SDCBP: variants seen among roughly 807,000 people sequenced by gnomAD.
SDCBP encodes syndecan binding protein, also known as syntenin-1.
A neutral mutation model predicts 30.5 loss-of-function variants in SDCBP; 22 were observed. That is an observed-to-expected ratio of 0.72 (90% confidence interval 0.52 to 1.03). SDCBP has a LOEUF of 1.03. SDCBP is among the 50% of genes least tolerant of loss of function. The pLI, the probability that SDCBP is intolerant of heterozygous loss-of-function variation, is 0.00. For missense variants in SDCBP, 304 were observed against 369.9 expected (o/e 0.82, Z 1.46); for synonymous variants, 103 against 118.7 (o/e 0.87, Z 0.86).
intron 4 of SDCBP, among the ~76,000 whole-genome samples, chr8:58,572,724 G>C (rs951183389): frequency 2.0e-5 from 3 of 150,054 alleles, no homozygotes; most frequent in Non-Finnish European, 4.4e-5. Context: ...ACTTATTTCA[G>C]ACAGTACTAA....
chr8:58,561,451 T>G, intron 1 of SDCBP: 1 of 213,822 alleles, frequency 4.7e-6, no homozygotes, highest in Non-Finnish European at 9.3e-6. Context: ...TCAAAGAATT[T>G]TGAAAGCAGC....
At chr8:58,577,444 T>C (rs1805405269) in intron 5 of SDCBP, among the ~76,000 whole-genome samples, 1 of 152,236 alleles carries the variant, frequency 6.6e-6, no homozygotes, top group Non-Finnish European at 1.5e-5. Context: ...GTGTTCTTTA[T>C]AAGCCTGTGC....
Position 58,581,836 on chromosome 8 carries a change from G to A in SDCBP, c.*96G>A. 1 of 918,318 alleles carries A rather than the reference G, an allele frequency of 1.1e-6. No individual in the cohort carries two copies. The highest frequency in any genetic ancestry group is 1.8e-5 in the Admixed American group (1 of 56,944). The allele number at this position is 918,318 out of a possible 1,614,324, so 56.9% of individuals were successfully genotyped here. On this transcript the variant is annotated 3_prime_UTR_variant, in exon 9 of 9. Coordinates refer to ENST00000260130, the MANE Select transcript of SDCBP (RefSeq NM_005625.4). ...CGTGAAGCCTTCCCGGAGCCAGCGA[G>A]CATATGCTGCATGAGGACCTTTCTA...
At position 58,578,172 on chromosome 8, in the gene SDCBP, CT is replaced by C; in HGVS notation, c.546del (p.Phe182LeufsTer7). 1 of 1,594,734 alleles carries C rather than the reference CT, an allele frequency of 6.3e-7. No homozygotes were observed. On this transcript the variant is annotated frameshift_variant, in exon 6 of 9. Transcript: ENST00000260130. LOFTEE classifies it high-confidence loss of function. ...SDKAHKVLKQ[A>X]FGEKITMTIR... ...AAAGCGCACAAGGTGCTCAAACAGG[CT>C]TTTGGAGAGAAGATTACCATGACCA...
chr8:58,563,579 A>C (rs1804548663), intron 1 of SDCBP, among the ~76,000 whole-genome samples: 1 of 152,182 alleles, frequency 6.6e-6, no homozygotes, highest in African/African-American at 2.4e-5. Context: ...ATTTAAAAAA[A>C]AAACTATCTC....
intron 2 of SDCBP, 58 bp from the exon 3 acceptor site, chr8:58,570,829 T>C (rs962958584): frequency 1.9e-5 from 22 of 1,152,842 alleles, no homozygotes; most frequent in Non-Finnish European, 2.7e-5. Flanking sequence ...TTATAAATTA[T>C]ATAAGAATAT....
chr8:58,578,617 G>A (rs187489106), intron 6 of SDCBP, among the ~76,000 whole-genome samples: 30 of 152,034 alleles, frequency 2.0e-4, no homozygotes, highest in Admixed American at 7.9e-4. Context: ...AAGACTTTTG[G>A]GTAGTTATGA....
chr8:58,581,590 T>C (rs1375696920), intron 8 of SDCBP, 96 bp from the exon 9 acceptor site: 8 of 842,648 alleles, frequency 9.5e-6, no homozygotes, highest in Non-Finnish European at 1.6e-5. Flanking sequence ...TGCTAACAGG[T>C]GCTAAATTGG....
At chr8:58,581,614 C>A in intron 8 of SDCBP, 72 bp from the exon 9 acceptor site, 1 of 1,135,964 alleles carries the variant, frequency 8.8e-7, no homozygotes, top group Non-Finnish European at 1.3e-6. Context: ...TGGGAATTTT[C>A]TTGGATTAAT....
chr8:58,556,062 A>T (rs913738577), intron 1 of SDCBP, among the ~76,000 whole-genome samples: 1 of 152,196 alleles, frequency 6.6e-6, no homozygotes, highest in Non-Finnish European at 1.5e-5. Flanking sequence ...GAATTCAACT[A>T]ATTGCTTATC....
rs1033878348 is a variant in SDCBP, at chr8:58,582,406, A to G, written c.*666A>G. The G allele has an allele frequency of 1.3e-5, 2 of 152,688 alleles. No individual in the cohort carries two copies. Among genetic ancestry groups the G allele is most frequent in the African/African-American group, 2.4e-5 (1 of 41,466 alleles). 9.5% of individuals were successfully genotyped at this position (152,688 alleles called of 1,614,324 possible). ...CTGCCTTTCTAAAAACCCAAAATGT[A>G]GTTCTCTATTAACCTGAAATGTACA... On this transcript the variant is annotated 3_prime_UTR_variant, in exon 9 of 9. Transcript: ENST00000260130.
intron 5 of SDCBP, 187 bp downstream of exon 5, chr8:58,576,248 C>G (rs758806413): frequency 1.9e-5 from 10 of 525,684 alleles, no homozygotes; most frequent in Non-Finnish European, 2.7e-5. Context: ...ATAGTTGGGA[C>G]TTCTGACCAC....
In SDCBP at chr8:58,582,473, T is replaced by C. The variant is rs1409988922; in HGVS notation, c.*733T>C. 6.6e-6 allele frequency: 1 copy of C among 152,644 alleles called. No homozygotes were observed. Among genetic ancestry groups the C allele is most frequent in the Admixed American group, 6.5e-5 (1 of 15,270 alleles). The allele number at this position is 152,644 out of a possible 1,614,324, so 9.5% of individuals were successfully genotyped here. On this transcript the variant is annotated 3_prime_UTR_variant, in exon 9 of 9. Coordinates refer to ENST00000260130, the MANE Select transcript of SDCBP (RefSeq NM_005625.4). ...TAATGGTACTTACTGAGCTATAGCA[T>C]AGCTGCTTAGTTGTTTTTGAGATTT...
At chr8:58,557,960 A>G (rs1804239542) in intron 1 of SDCBP, among the ~76,000 whole-genome samples, 1 of 152,202 alleles carries the variant, frequency 6.6e-6, no homozygotes, top group Non-Finnish European at 1.5e-5. Flanking sequence ...CTTAAACCTC[A>G]TTATTGGTCA....
Position 58,578,467 on chromosome 8 carries a change from G to A in SDCBP, c.578+259G>A, listed in dbSNP as rs1563515999. The A allele has an allele frequency of 1.4e-5, 4 of 278,404 alleles. No individual in the cohort carries two copies. In the South Asian group the frequency reaches 2.1e-4, roughly 15 times the overall value. 17.2% of individuals were successfully genotyped at this position (278,404 alleles called of 1,614,324 possible). A position where few individuals can be genotyped will look rare whatever the true frequency, so the allele number is the denominator to read the frequency against. The stretch of plus-strand genomic sequence containing the variant: ...CGTATGTTGGAGAAGTAACTGAGTT[G>A]CAGGGCATCTCTGGGCTCACTTTCC... On this transcript the variant is annotated intron_variant, in intron 6 of 8. Transcript: ENST00000260130.
At chr8:58,560,709 C>T (rs1438172037) in intron 1 of SDCBP, 1 of 152,220 alleles carries the variant, frequency 6.6e-6, no homozygotes, top group African/African-American at 2.4e-5. Context: ...GAAGAAGCAT[C>T]CTCAGGAAAG....
At position 58,578,389 on chromosome 8, in the gene SDCBP, T is replaced by A. The variant is rs62511969; in HGVS notation, c.578+181T>A. 8.3e-3 allele frequency: 3,757 copies of A among 454,970 alleles called. 34 individuals carry two copies. Among genetic ancestry groups the A allele is most frequent in the Non-Finnish European group, 0.012 (3,028 of 259,630 alleles). 28.2% of individuals were successfully genotyped at this position (454,970 alleles called of 1,614,324 possible). On this transcript the variant is annotated intron_variant, in intron 6 of 8. Transcript: ENST00000260130. ...TTACATTGTTTTTAAAGCATTCTGA[T>A]ACGATACCTTATTTCAGAGTTTATA...
At chr8:58,571,638 A>G (rs1805031733) in intron 3 of SDCBP, among the ~76,000 whole-genome samples, 1 of 151,878 alleles carries the variant, frequency 6.6e-6, no homozygotes, top group African/African-American at 2.4e-5. Context: ...AATAGTATAT[A>G]ACTACTAATA....
intron 1 of SDCBP, chr8:58,561,839 G>A (rs1270406569): frequency 1.1e-5 from 7 of 655,346 alleles, no homozygotes; most frequent in East Asian, 2.7e-5. Flanking sequence ...TAAGACAAAA[G>A]TTTAAGTGCC....
Sources: allele counts gnomAD v4.1 joint callset (sites outside exome capture counted in the v4.1 genomes callset), GRCh38; gene constraint gnomAD v4.1.1; transcripts MANE v1.5; gene names NCBI Gene and HGNC (gene_info 2026-07-23, HGNC 2026-07-21).